Variants in NREP observed in about 807,000 individuals in gnomAD.
NREP encodes neuronal regeneration-related protein.
A neutral mutation model predicts 8.6 loss-of-function variants in NREP; 5 were observed. That is an observed-to-expected ratio of 0.58 (90% CI 0.30 to 1.22). The LOEUF (loss-of-function observed/expected upper bound fraction) is 1.22. NREP is among the 50% of genes most tolerant of loss of function. NREP has a pLI of 0.07. For missense variants in NREP, 86 were observed against 82.5 expected (o/e 1.04, Z -0.17); for synonymous variants, 27 against 28.0 (o/e 0.96, Z 0.11).
At chr5:111,756,970 A>G (rs1312916962) in intron 1 of NREP, among the ~76,000 whole-genome samples, 166 bp downstream of exon 1, 2 of 152,198 alleles carry the variant, frequency 1.3e-5, no homozygotes, top group Non-Finnish European at 2.9e-5. Flanking sequence ...CAGCACAACC[A>G]AAATGCCAGA....
chr5:111,824,137 G>T lies in NREP; in HGVS notation c.136-88630C>A, dbSNP rs1561681146. On this transcript the variant is annotated intron_variant, in intron 2 of 3. Coordinates refer to the NREP transcript ENST00000395634. ...TGTAATCCCAGCACTTCAGGAGGCT[G>T]AGTCGGGCGGATCACGAGGTCAGGA... is the stretch of plus-strand genomic sequence containing the variant. 1.3e-5 allele frequency among the ~76,000 whole-genome samples: 2 copies of T among 152,200 alleles called. 1 individual carries two copies. Among genetic ancestry groups the T allele is most frequent in the South Asian group, 4.1e-4 (2 of 4,838 alleles).
intron 2 of NREP, among the ~76,000 whole-genome samples, chr5:111,888,702 A>G (rs1455770554): frequency 6.6e-6 from 1 of 152,184 alleles, no homozygotes; most frequent in East Asian, 1.9e-4. Flanking sequence ...CATTGCTAGA[A>G]AAGTCTTTTC....
intron 2 of NREP, among the ~76,000 whole-genome samples, chr5:111,792,230 T>C (rs1489331884): frequency 6.6e-6 from 1 of 152,240 alleles, no homozygotes; most frequent in Non-Finnish European, 1.5e-5. Context: ...GTAGTCTGCA[T>C]GAATGCATAT....
intron 2 of NREP, among the ~76,000 whole-genome samples, chr5:111,957,033 G>A (rs764581146): frequency 6.6e-5 from 10 of 151,540 alleles, no homozygotes; most frequent in Admixed American, 3.9e-4. Flanking sequence ...ACAGTAGAGT[G>A]ATATTTCAGA....
At chr5:111,779,326 G>A (rs540138013) in intron 2 of NREP, among the ~76,000 whole-genome samples, 2 of 152,240 alleles carry the variant, frequency 1.3e-5, no homozygotes, top group East Asian at 1.9e-4. Context: ...AGCTCTAGAC[G>A]CCAGTGTGCA....
chr5:111,788,370 G>A (rs1751663664), intron 2 of NREP, among the ~76,000 whole-genome samples: 1 of 152,124 alleles, frequency 6.6e-6, no homozygotes, highest in African/African-American at 2.4e-5. Context: ...AAGTGTTGGC[G>A]TGTGTGTGTT....
chr5:111,814,143 T>C (rs1239267630), intron 2 of NREP, among the ~76,000 whole-genome samples: 2 of 152,086 alleles, frequency 1.3e-5, no homozygotes, highest in Admixed American at 1.3e-4. Flanking sequence ...GGCAGGTAGT[T>C]ATGCAAAAAT....
At chr5:111,810,166 G>C (rs1752239108) in intron 2 of NREP, among the ~76,000 whole-genome samples, 1 of 152,182 alleles carries the variant, frequency 6.6e-6, no homozygotes, top group Non-Finnish European at 1.5e-5. Context: ...AGAGGAAACA[G>C]TTGATACATA....
intron 2 of NREP, among the ~76,000 whole-genome samples, chr5:111,826,325 A>G (rs1334400642): frequency 2.6e-5 from 4 of 152,150 alleles, no homozygotes; most frequent in Non-Finnish European, 5.9e-5. Flanking sequence ...AAAGCAGGCC[A>G]CGCGTCACCA....
chr5:111,908,919 T>C (rs535413859), intron 2 of NREP, among the ~76,000 whole-genome samples: 1 of 152,166 alleles, frequency 6.6e-6, no homozygotes, highest in African/African-American at 2.4e-5. Context: ...TAATAGCCAT[T>C]CTGATTGGTG....
chr5:111,940,961 AT>A (rs1323608697), intron 2 of NREP, among the ~76,000 whole-genome samples: 1 of 152,132 alleles, frequency 6.6e-6, no homozygotes, highest in Non-Finnish European at 1.5e-5. Flanking sequence ...AATGTCTTCA[AT>A]AAGTCTTCAG....
At chr5:111,733,404 G>C (rs1748791934) in intron 3 of NREP, 1 of 152,118 alleles carries the variant, frequency 6.6e-6, no homozygotes, top group African/African-American at 2.4e-5. Flanking sequence ...TGCTCCTGAG[G>C]AGACAGAGTT....
chr5:111,818,168 C>T lies in NREP; in HGVS notation c.136-82661G>A, dbSNP rs867204164. Among the ~76,000 whole-genome samples the T allele has an allele frequency of 2.6e-5, 4 of 152,112 alleles. No homozygotes were observed. The South Asian group carries it at 8.3e-4, about 32-fold the overall frequency. ...AAAAACATTAAATAATTAGATCATACATTTTTAAAAATGTAATTCAGAAAA... is the reference window on the plus strand; with the variant it reads ...AAAAACATTAAATAATTAGATCATATATTTTTAAAAATGTAATTCAGAAAA... On this transcript the variant is annotated intron_variant, in intron 2 of 3. Coordinates refer to the NREP transcript ENST00000395634.
chr5:111,952,668 C>G (rs930975839), intron 2 of NREP, among the ~76,000 whole-genome samples: 2 of 152,004 alleles, frequency 1.3e-5, no homozygotes, highest in African/African-American at 4.8e-5. Flanking sequence ...CTCTGTTTTA[C>G]AGTAAAGGCT....
chr5:111,801,558 A>G (rs1408180631), intron 2 of NREP, among the ~76,000 whole-genome samples: 2 of 152,194 alleles, frequency 1.3e-5, no homozygotes, highest in Non-Finnish European at 2.9e-5. Context: ...GAGTGTTGGC[A>G]GAATGTGTGC....
chr5:111,771,561 G>C (rs1252913317), intron 2 of NREP, among the ~76,000 whole-genome samples: 1 of 152,074 alleles, frequency 6.6e-6, no homozygotes, highest in Middle Eastern at 3.4e-3. Context: ...TCAGAAGTTC[G>C]AGACCAGCCT....
chr5:111,904,837 T>C (rs2112554024), intron 2 of NREP, among the ~76,000 whole-genome samples: 1 of 152,184 alleles, frequency 6.6e-6, no homozygotes, highest in East Asian at 1.9e-4. Context: ...AGACCAAGAA[T>C]ATAACCACAC....
chr5:111,907,983 T>C (rs1754818813), intron 2 of NREP, among the ~76,000 whole-genome samples: 1 of 152,080 alleles, frequency 6.6e-6, no homozygotes, highest in African/African-American at 2.4e-5. Context: ...TGTATATAAA[T>C]ATAACATAGC....
At chr5:111,916,012 C>G (rs1180548709) in intron 2 of NREP, among the ~76,000 whole-genome samples, 1 of 152,060 alleles carries the variant, frequency 6.6e-6, no homozygotes, top group African/African-American at 2.4e-5. Context: ...CTATGCAGAA[C>G]ATTTTTGCTG....
Sources: allele counts gnomAD v4.1 joint callset (sites outside exome capture counted in the v4.1 genomes callset), GRCh38; gene constraint gnomAD v4.1.1; transcripts MANE v1.5; gene names NCBI Gene and HGNC (gene_info 2026-07-23, HGNC 2026-07-21).